The following PCDH15 variants were observed in gnomAD, a reference collection of about 807,000 sequenced individuals.
The protein encoded by PCDH15 is protocadherin-15.
A neutral mutation model predicts 178.5 loss-of-function variants in PCDH15; 129 were observed. That is an observed-to-expected ratio of 0.72 (90% CI 0.63 to 0.84). PCDH15 has a LOEUF of 0.84. PCDH15 is among the 40% of genes least tolerant of loss of function. The probability of loss-of-function intolerance (pLI) is 0.00; values close to 1 mark genes in which losing one functional copy is unlikely to be tolerated. For missense variants in PCDH15, 2,230 were observed against 2,099.9 expected (o/e 1.06, Z -1.21); for synonymous variants, 800 against 732.0 (o/e 1.09, Z -1.50).
intron 3 of PCDH15, among the ~76,000 whole-genome samples, chr10:54,810,751 A>T (rs1039333598): frequency 3.3e-5 from 5 of 152,250 alleles, no homozygotes; most frequent in African/African-American, 9.6e-5. Flanking sequence ...ATAGAAAAAA[A>T]ATAATTGCAA....
At chr10:54,091,111 C>T (rs1286095919) in intron 15 of PCDH15, among the ~76,000 whole-genome samples, 1 of 152,086 alleles carries the variant, frequency 6.6e-6, no homozygotes, top group African/African-American at 2.4e-5. Context: ...GGAGTTTTAC[C>T]TTAAAAAACA....
At chr10:55,058,801 A>G (rs1470186252) in intron 2 of PCDH15, among the ~76,000 whole-genome samples, 1 of 152,194 alleles carries the variant, frequency 6.6e-6, no homozygotes, top group Non-Finnish European at 1.5e-5. Context: ...AAAGCATGCT[A>G]TCAGTGTTCT....
chr10:55,595,526 C>G (rs1011737187), intron 2 of PCDH15, among the ~76,000 whole-genome samples: 7 of 152,082 alleles, frequency 4.6e-5, no homozygotes, highest in Admixed American at 4.6e-4. Flanking sequence ...GCCAAGGACC[C>G]AGACATCAGT....
chr10:54,296,622 C>T (rs187352511), intron 8 of PCDH15, among the ~76,000 whole-genome samples: 4 of 152,218 alleles, frequency 2.6e-5, no homozygotes, highest in Non-Finnish European at 5.9e-5. Flanking sequence ...CACCCAGGCT[C>T]ACCAATCAGA....
chr10:54,627,024 A>C lies in PCDH15; in HGVS notation c.91+37148T>G, dbSNP rs538973529. On this transcript the variant is annotated intron_variant, in intron 2 of 37. Coordinates refer to ENST00000644397, the MANE Select transcript of PCDH15 (RefSeq NM_001384140.1). ...ACTGCCCCCTGGATTTCCAACTTAC[A>C]TGGGGCCTGTAGCCCCTTTGCTTCG... Among the ~76,000 whole-genome samples the C allele has an allele frequency of 3.7e-4, 56 of 152,260 alleles. No individual in the cohort carries two copies. The South Asian group carries it at 5.0e-3, about 14-fold the overall frequency.
At chr10:54,267,349 C>T (rs1055651671) in intron 8 of PCDH15, among the ~76,000 whole-genome samples, 2 of 151,792 alleles carry the variant, frequency 1.3e-5, no homozygotes, top group African/African-American at 2.4e-5. Context: ...GAGGAATTCT[C>T]ATAAGAACAA....
chr10:54,213,441 A>C (rs1277628038), intron 10 of PCDH15, among the ~76,000 whole-genome samples: 2 of 152,192 alleles, frequency 1.3e-5, no homozygotes, highest in African/African-American at 2.4e-5. Flanking sequence ...AAAGAAAATA[A>C]TGAGACATAT....
At chr10:54,421,942 TATA>T (rs1955564707) in intron 3 of PCDH15, among the ~76,000 whole-genome samples, 1 of 112,476 alleles carries the variant, frequency 8.9e-6, no homozygotes, top group Non-Finnish European at 1.8e-5. Flanking sequence ...TATATATATA[TATA>T]AAAATATATA....
intron 7 of PCDH15, among the ~76,000 whole-genome samples, chr10:54,321,618 C>T (rs1159493256): frequency 6.6e-6 from 1 of 151,826 alleles, no homozygotes; most frequent in Non-Finnish European, 1.5e-5. Context: ...TGTTTTCTTT[C>T]AGTCTGTCAG....
At chr10:55,275,680 C>T (rs1842574667) in intron 1 of PCDH15, among the ~76,000 whole-genome samples, 1 of 147,416 alleles carries the variant, frequency 6.8e-6, no homozygotes, top group South Asian at 2.1e-4. Flanking sequence ...TATTATAAAT[C>T]TTGAAATCAG....
chr10:54,565,382 C>T (rs1430326679), intron 2 of PCDH15, among the ~76,000 whole-genome samples: 1 of 152,110 alleles, frequency 6.6e-6, no homozygotes, highest in East Asian at 1.9e-4. Flanking sequence ...CTTGATTTCC[C>T]CAGACAAGTA....
At chr10:54,219,114 A>AC (rs2052453718) in intron 9 of PCDH15, among the ~76,000 whole-genome samples, 1 of 145,850 alleles carries the variant, frequency 6.9e-6, no homozygotes, top group African/African-American at 2.6e-5. Flanking sequence ...AAAACAAAAA[A>AC]AAAACAAAAA....
intron 8 of PCDH15, among the ~76,000 whole-genome samples, chr10:54,262,736 A>T (rs2057404563): frequency 6.6e-6 from 1 of 152,068 alleles, no homozygotes; most frequent in African/African-American, 2.4e-5. Context: ...GGAGCTGGAC[A>T]CCCCTCCCTT....
intron 1 of PCDH15, among the ~76,000 whole-genome samples, chr10:54,752,972 A>T (rs7900278): frequency 0.014 from 2,111 of 152,284 alleles, 52 homozygotes; most frequent in African/African-American, 0.049. Flanking sequence ...CATGATCTAA[A>T]TATATATTGA....
Position 54,723,314 on chromosome 10 carries a change from A to G in PCDH15, c.-28-59024T>C, listed in dbSNP as rs898585043. ...ATAGGGAGGAAAGATGCTCTATTCAATAAATGATGCTGGGAAAATTGGCTA... is the reference window on the plus strand; with the variant it reads ...ATAGGGAGGAAAGATGCTCTATTCAGTAAATGATGCTGGGAAAATTGGCTA... On this transcript the variant is annotated intron_variant, in intron 1 of 37. Transcript: ENST00000644397. Among the ~76,000 whole-genome samples, 7 of 151,792 alleles carry G rather than the reference A, an allele frequency of 4.6e-5. No homozygotes were observed. The East Asian group carries it at 1.4e-3, about 29-fold the overall frequency.
intron 3 of PCDH15, among the ~76,000 whole-genome samples, chr10:54,498,546 T>A (rs1054617757): frequency 6.6e-6 from 1 of 151,918 alleles, no homozygotes; most frequent in Non-Finnish European, 1.5e-5. Flanking sequence ...AACAGAACCA[T>A]CTAACATGCA....
intron 2 of PCDH15, among the ~76,000 whole-genome samples, chr10:54,979,944 T>C (rs943931288): frequency 6.6e-6 from 1 of 152,154 alleles, no homozygotes; most frequent in African/African-American, 2.4e-5. Context: ...GTTCCAGGAA[T>C]GAAATGTAGA....
intron 13 of PCDH15, among the ~76,000 whole-genome samples, chr10:54,169,623 C>T (rs1435534604): frequency 6.6e-6 from 1 of 150,912 alleles, no homozygotes; most frequent in South Asian, 2.1e-4. Context: ...GCATACTCCT[C>T]TTGTATCCCC....
intron 8 of PCDH15, among the ~76,000 whole-genome samples, chr10:54,285,203 G>A: frequency 6.6e-6 from 1 of 150,596 alleles, no homozygotes. Context: ...GGTTTTTTTG[G>A]ATAAAAACTT....
Sources: gnomAD v4.1 joint callset for allele counts (sites outside exome capture counted in the v4.1 genomes callset) on GRCh38, gnomAD v4.1.1 for gene constraint, MANE v1.5 for transcripts, NCBI Gene and HGNC (gene_info 2026-07-23, HGNC 2026-07-21) for gene names.